Variants in IGF2BP3 observed in about 807,000 individuals in gnomAD.
IGF2BP3 encodes insulin like growth factor 2 mRNA binding protein 3.
Under a neutral mutation model 73.8 loss-of-function variants are expected in IGF2BP3, and 9 were observed. That is an observed-to-expected ratio of 0.12 (90% CI 0.07 to 0.21). The LOEUF (loss-of-function observed/expected upper bound fraction) is 0.21, where lower values mean the gene tolerates loss of function less well. Ranked by LOEUF, IGF2BP3 falls within the 10% of genes least tolerant of loss-of-function variation. The probability of loss-of-function intolerance (pLI) is 1.00; values close to 1 mark genes in which losing one functional copy is unlikely to be tolerated. For missense variants in IGF2BP3, 542 were observed against 714.0 expected, an observed-to-expected ratio of 0.76 and a Z score of 2.75; for synonymous variants, 258 against 256.7, an observed-to-expected ratio of 1.01 and a Z score of -0.05.
At chr7:23,329,852 T>C (rs1173588812) in intron 10 of IGF2BP3, among the ~76,000 whole-genome samples, 2 of 152,184 alleles carry the variant, frequency 1.3e-5, no homozygotes, top group African/African-American at 4.8e-5. Context: ...TTGAAAAAAC[T>C]GAGCCAGAGA....
chr7:23,338,943 A>T (rs983810703), intron 10 of IGF2BP3, among the ~76,000 whole-genome samples: 18 of 152,272 alleles, frequency 1.2e-4, no homozygotes. Flanking sequence ...ACTGCCTGGA[A>T]CACATGTAGA....
chr7:23,332,801 A>G (rs576474234), intron 10 of IGF2BP3, among the ~76,000 whole-genome samples: 1 of 152,160 alleles, frequency 6.6e-6, no homozygotes, highest in Admixed American at 6.5e-5. Context: ...ACTGTGCTCA[A>G]TGTTAGCATT....
chr7:23,419,979 G>A (rs932561373), intron 2 of IGF2BP3, among the ~76,000 whole-genome samples: 3 of 152,180 alleles, frequency 2.0e-5, no homozygotes, highest in African/African-American at 4.8e-5. Flanking sequence ...CCCTACACAT[G>A]TATATATGTA....
intron 5 of IGF2BP3, among the ~76,000 whole-genome samples, chr7:23,356,594 T>C (rs577556982): frequency 6.6e-6 from 1 of 152,124 alleles, no homozygotes; most frequent in Non-Finnish European, 1.5e-5. Flanking sequence ...TAAAATTCCA[T>C]GTCTAAAAAT....
intron 3 of IGF2BP3, among the ~76,000 whole-genome samples, chr7:23,372,238 C>T (rs559303038): frequency 6.6e-6 from 1 of 152,024 alleles, no homozygotes; most frequent in Admixed American, 6.6e-5. Context: ...CCACCCCCGG[C>T]TGATTTTTGT....
chr7:23,430,989 A>G (rs1422714983), intron 2 of IGF2BP3, among the ~76,000 whole-genome samples: 1 of 152,246 alleles, frequency 6.6e-6, no homozygotes, highest in African/African-American at 2.4e-5. Context: ...CGCTTATGAC[A>G]CTGTTCACTG....
chr7:23,350,270 A>T (rs898833457), intron 6 of IGF2BP3, among the ~76,000 whole-genome samples: 1 of 152,014 alleles, frequency 6.6e-6, no homozygotes, highest in East Asian at 1.9e-4. Context: ...GATTAAGCTT[A>T]TTTCGTTGGA....
chr7:23,443,563 T>C (rs1263716380), intron 2 of IGF2BP3, among the ~76,000 whole-genome samples: 1 of 151,182 alleles, frequency 6.6e-6, no homozygotes, highest in Non-Finnish European at 1.5e-5. Flanking sequence ...CTACTTGGGA[T>C]GGGAGGCTGA....
In IGF2BP3 at chr7:23,418,735, T is replaced by G. The variant is rs768873233; in HGVS notation, c.285+41A>C. ...TTTGAAAAAACTAACAGCAATAGGC[T>G]TCCATACTTAGATCTTAATTTTAAA... On this transcript the variant is annotated intron_variant, in intron 3 of 14. Coordinates refer to ENST00000258729, the MANE Select transcript of IGF2BP3 (RefSeq NM_006547.3). 54 of 1,317,172 alleles carry G rather than the reference T, an allele frequency of 4.1e-5. 1 individual carries two copies. The South Asian group carries it at 6.8e-4, about 17-fold the overall frequency. 81.6% of individuals were successfully genotyped at this position (1,317,172 alleles called of 1,614,324 possible).
rs765483180 is a variant in IGF2BP3 at position 23,343,729 on chromosome 7, C to A, written c.1066G>T (p.Ala356Ser). The A allele has an allele frequency of 6.2e-6, 10 of 1,611,138 alleles. 1 individual carries two copies. The South Asian group carries it at 1.1e-4, about 18-fold the overall frequency. Residue 356 changes from alanine to serine, a missense_variant, in exon 9 of 15, where the codon GCT becomes TCT. Coordinates refer to ENST00000258729, the MANE Select transcript of IGF2BP3 (RefSeq NM_006547.3). ...ATAACAAAACTAACATTCATAGAAG[C>A]AATATCATTTTCATAAGACTCCCTG... ...KIRESYENDI[A>S]SMNLQAHLIP...
intron 2 of IGF2BP3, among the ~76,000 whole-genome samples, chr7:23,457,375 G>A (rs1369966623): frequency 6.6e-6 from 1 of 151,846 alleles, no homozygotes; most frequent in African/African-American, 2.4e-5. Context: ...TGAAGCATGA[G>A]AATCCCTTGA....
intron 12 of IGF2BP3, among the ~76,000 whole-genome samples, chr7:23,316,243 T>A (rs1783984139): frequency 1.3e-5 from 2 of 152,202 alleles, no homozygotes; most frequent in South Asian, 4.1e-4. Flanking sequence ...TGAAAGCAGC[T>A]TTGGGTTTTT....
At chr7:23,463,446 T>C (rs1233551500) in intron 2 of IGF2BP3, among the ~76,000 whole-genome samples, 1 of 152,168 alleles carries the variant, frequency 6.6e-6, no homozygotes, top group Non-Finnish European at 1.5e-5. Flanking sequence ...AAAATTTAAG[T>C]CAAGCTCCTT....
At chr7:23,356,127 C>T (rs951761897) in intron 5 of IGF2BP3, among the ~76,000 whole-genome samples, 10 of 152,152 alleles carry the variant, frequency 6.6e-5, no homozygotes, top group African/African-American at 1.9e-4. Context: ...AAAAAGAATA[C>T]GGACTAGAGA....
At chr7:23,378,177 C>A (rs1003623736) in intron 3 of IGF2BP3, among the ~76,000 whole-genome samples, 1 of 152,018 alleles carries the variant, frequency 6.6e-6, no homozygotes, top group Non-Finnish European at 1.5e-5. Flanking sequence ...CAAGACCCAA[C>A]GATGTTGAAA....
chr7:23,398,322 T>G (rs1786544671), intron 3 of IGF2BP3, among the ~76,000 whole-genome samples: 1 of 152,240 alleles, frequency 6.6e-6, no homozygotes, highest in Non-Finnish European at 1.5e-5. Context: ...TTGTTGGACA[T>G]TTGGGTTGGT....
At chr7:23,396,545 C>A in intron 3 of IGF2BP3, 1 of 159,888 alleles carries the variant, frequency 6.3e-6, no homozygotes, top group Non-Finnish European at 1.4e-5. Context: ...ATAATGCAAG[C>A]CTACATGTTA....
chr7:23,342,709 A>C (rs954751969), intron 9 of IGF2BP3, among the ~76,000 whole-genome samples: 1 of 152,200 alleles, frequency 6.6e-6, no homozygotes, highest in Non-Finnish European at 1.5e-5. Context: ...ATATCACTGG[A>C]ATGGAAATAG....
In IGF2BP3 at chr7:23,342,125, C is replaced by A. The variant is rs1317560327; in HGVS notation, c.1142G>T (p.Gly381Val). 3 of 1,610,998 alleles carry A rather than the reference C, an allele frequency of 1.9e-6. No homozygotes were observed. The Admixed American group carries it at 5.0e-5, about 27-fold the overall frequency. ...NALGLFPPTS[G>V]MPPPTSGPPS... ...GGGCCCTGAGGTGGGAGGTGGCATC[C>A]CTGAAGTGGGTGGGAACAGACCCAA... The change falls in exon 10 of 15, where the codon GGG becomes GTG. Residue 381 changes from glycine to valine, a missense_variant. Transcript: ENST00000258729.
Sources: allele counts gnomAD v4.1 joint callset (sites outside exome capture counted in the v4.1 genomes callset), GRCh38; gene constraint gnomAD v4.1.1; transcripts MANE v1.5; gene names NCBI Gene and HGNC (gene_info 2026-07-23, HGNC 2026-07-21).